CHODL: variants seen among roughly 807,000 people sequenced by gnomAD.
The protein encoded by CHODL is transmembrane protein MT75.
A neutral mutation model predicts 34.5 loss-of-function variants in CHODL; 29 were observed. That is an observed-to-expected ratio of 0.84 (90% CI 0.63 to 1.15). The LOEUF is 1.15. CHODL is among the 50% of genes most tolerant of loss of function. CHODL has a pLI of 0.00. For missense variants in CHODL, 332 were observed against 332.5 expected (o/e 1.00, Z 0.01); for synonymous variants, 125 against 116.1 (o/e 1.08, Z -0.49).
intron 2 of CHODL, among the ~76,000 whole-genome samples, chr21:18,053,152 G>A (rs1355208386): frequency 1.3e-5 from 2 of 151,858 alleles, no homozygotes; most frequent in Admixed American, 1.3e-4. Context: ...AATTCTGAAG[G>A]AGTTAAAGCA....
In CHODL at chr21:18,260,204, T is replaced by C; in HGVS notation, c.552T>C (p.Ile184=). 1 of 1,545,606 alleles carries C rather than the reference T, an allele frequency of 6.5e-7. No homozygotes were observed. The highest frequency in any genetic ancestry group is 2.4e-5 in the East Asian group (1 of 41,566). Residue 184 remains isoleucine (I), a synonymous_variant, in exon 4 of 6, where the codon ATT becomes ATC. Transcript: ENST00000299295. ...HNYICKYEPE[I]NPTAPVEKPY... is the part of the protein sequence containing the mutation. The stretch of plus-strand genomic sequence containing the variant: ...GGTGGTTCTTATTATTTACAGAGAT[T>C]AATCCAACAGCCCCTGTAGAAAAGC...
At chr21:18,094,957 C>G (rs1212039519) in intron 2 of CHODL, among the ~76,000 whole-genome samples, 1 of 151,870 alleles carries the variant, frequency 6.6e-6, no homozygotes, top group African/African-American at 2.4e-5. Flanking sequence ...AACCCCATCT[C>G]TACTAAAAAT....
At chr21:17,977,918 C>CAAAAAAAAAAAAAAAAAAAA (rs57837589) in intron 1 of CHODL, among the ~76,000 whole-genome samples, 2 of 68,988 alleles carry the variant, frequency 2.9e-5, no homozygotes, top group African/African-American at 6.6e-5. Flanking sequence ...ACTCCCATCT[C>CAAAAAAAAAAAAAAAAAAAA]AAAAAAAAAA....
intron 2 of CHODL, among the ~76,000 whole-genome samples, chr21:18,083,279 T>C (rs1253707258): frequency 1.3e-5 from 2 of 152,220 alleles, no homozygotes; most frequent in African/African-American, 2.4e-5. Context: ...TTTGGGAACC[T>C]CTGCCTAGAT....
At chr21:18,234,172 G>T (rs184232109) in intron 2 of CHODL, among the ~76,000 whole-genome samples, 1 of 152,058 alleles carries the variant, frequency 6.6e-6, no homozygotes, top group Non-Finnish European at 1.5e-5. Context: ...TCTCTCGTTC[G>T]AATGCGCTAC....
intron 1 of CHODL, among the ~76,000 whole-genome samples, chr21:17,934,483 G>A (rs1315150930): frequency 6.6e-6 from 1 of 151,684 alleles, no homozygotes; most frequent in African/African-American, 2.4e-5. Flanking sequence ...AATGTTTTAA[G>A]CTTGGGCTTA....
chr21:18,056,643 T>C (rs1037398953), intron 2 of CHODL, among the ~76,000 whole-genome samples: 3 of 151,996 alleles, frequency 2.0e-5, no homozygotes, highest in Non-Finnish European at 2.9e-5. Flanking sequence ...CTGTACTCTT[T>C]TTTAAATTCC....
At chr21:18,024,334 C>T (rs141036815) in intron 1 of CHODL, among the ~76,000 whole-genome samples, 59 of 152,126 alleles carry the variant, frequency 3.9e-4, no homozygotes, top group Admixed American at 2.2e-3. Flanking sequence ...TAGATAGACC[C>T]GTGGGCATAA....
intron 2 of CHODL, among the ~76,000 whole-genome samples, chr21:18,113,248 G>C (rs142800116): frequency 5.0e-4 from 76 of 152,126 alleles, no homozygotes; most frequent in African/African-American, 1.7e-3. Context: ...TAAAAGACAG[G>C]CAATAACAAA....
At chr21:18,167,838 A>G (rs1044297950) in intron 2 of CHODL, among the ~76,000 whole-genome samples, 1 of 152,172 alleles carries the variant, frequency 6.6e-6, no homozygotes, top group African/African-American at 2.4e-5. Flanking sequence ...TGAAAAATGC[A>G]AAGTATTGTT....
At chr21:18,122,470 A>T (rs939539309) in intron 2 of CHODL, among the ~76,000 whole-genome samples, 1 of 152,206 alleles carries the variant, frequency 6.6e-6, no homozygotes, top group Non-Finnish European at 1.5e-5. Context: ...CTGTGTGCTC[A>T]AATGGCTGAT....
chr21:17,967,594 A>G (rs422880), intron 1 of CHODL, among the ~76,000 whole-genome samples: 92,850 of 151,950 alleles, frequency 0.61, 29,495 homozygotes, highest in East Asian at 0.78. Flanking sequence ...AATGCCTCCT[A>G]TGTAGTAACA....
At chr21:18,082,666 C>T (rs145097724) in intron 2 of CHODL, among the ~76,000 whole-genome samples, 1 of 152,144 alleles carries the variant, frequency 6.6e-6, no homozygotes, top group South Asian at 2.1e-4. Flanking sequence ...TCTTGCTATG[C>T]TTTAGCAAAG....
At chr21:18,073,630 TAA>T (rs1470298731) in intron 2 of CHODL, among the ~76,000 whole-genome samples, 1 of 152,068 alleles carries the variant, frequency 6.6e-6, no homozygotes, top group Non-Finnish European at 1.5e-5. Flanking sequence ...TTATCTGAAT[TAA>T]AAAGTGCAAT....
At chr21:17,945,225 A>AAAG (rs398036180) in intron 1 of CHODL, among the ~76,000 whole-genome samples, 2 of 151,260 alleles carry the variant, frequency 1.3e-5, no homozygotes, top group Non-Finnish European at 2.9e-5. Flanking sequence ...AAAAAAAAAA[A>AAAG]TTACTAAAGC....
intron 2 of CHODL, among the ~76,000 whole-genome samples, chr21:18,028,698 TAAAAAAAAA>T (rs34588468): frequency 3.5e-5 from 3 of 85,248 alleles, no homozygotes; most frequent in Non-Finnish European, 4.4e-5. Context: ...AAACTCCATC[TAAAAAAAAA>T]AAAAAAAAAA....
chr21:17,965,910 A>ATTTTT (rs1342267089), intron 1 of CHODL, among the ~76,000 whole-genome samples: 7 of 58,074 alleles, frequency 1.2e-4, no homozygotes, highest in Non-Finnish European at 1.8e-4. Context: ...AAGAGAAGGT[A>ATTTTT]ATTTTTTTTT....
Position 18,267,370 on chromosome 21 carries a change from A to G in CHODL, c.*1332A>G, listed in dbSNP as rs1893490859. The G allele has an allele frequency of 6.6e-6, 1 of 152,218 alleles. No individual in the cohort carries two copies. The highest frequency in any genetic ancestry group is 1.5e-5 in the Non-Finnish European group (1 of 68,030). The allele number at this position is 152,218 out of a possible 1,614,324, so 9.4% of individuals were successfully genotyped here. A position where few individuals can be genotyped will look rare whatever the true frequency, so the allele number is the denominator to read the frequency against. ...AATAAAGAGTTCTTGTTTCTGAAGA[A>G]TGATGACTAGTCCTGTCTAAACCTC... On this transcript the variant is annotated 3_prime_UTR_variant, in exon 6 of 6. Coordinates refer to ENST00000299295, the MANE Select transcript of CHODL (RefSeq NM_024944.3).
chr21:18,187,769 G>T (rs565580436), intron 2 of CHODL, among the ~76,000 whole-genome samples: 1 of 152,198 alleles, frequency 6.6e-6, no homozygotes, highest in East Asian at 1.9e-4. Flanking sequence ...CATCTCTGCT[G>T]CCCTTTTATC....
Sources: allele counts gnomAD v4.1 joint callset (sites outside exome capture counted in the v4.1 genomes callset), GRCh38; gene constraint gnomAD v4.1.1; transcripts MANE v1.5; gene names NCBI Gene and HGNC (gene_info 2026-07-23, HGNC 2026-07-21).